Variants in PEMT observed in about 807,000 individuals in gnomAD.
The protein encoded by PEMT is phospholipid methyltransferase.
PEMT carries 23 observed loss-of-function variants against 27.4 expected under a neutral mutation model. That is an observed-to-expected ratio of 0.84 (90% CI 0.60 to 1.19). The LOEUF (loss-of-function observed/expected upper bound fraction) is 1.19, where lower values mean the gene tolerates loss of function less well. Ranked by LOEUF, PEMT falls within the 50% of genes most tolerant of loss-of-function variation. PEMT has a pLI of 0.00. For missense variants in PEMT, 307 were observed against 310.1 expected (o/e 0.99, Z 0.07); for synonymous variants, 137 against 139.1 (o/e 0.98, Z 0.11).
At chr17:17,546,922 G>A (rs1909301237) in intron 2 of PEMT, among the ~76,000 whole-genome samples, 1 of 152,226 alleles carries the variant, frequency 6.6e-6, no homozygotes, top group African/African-American at 2.4e-5. Context: ...GAAAGAGGTG[G>A]CCGTGGCTGG....
intron 2 of PEMT, among the ~76,000 whole-genome samples, chr17:17,574,959 C>G (rs1567744611): frequency 6.6e-6 from 1 of 152,218 alleles, no homozygotes; most frequent in Non-Finnish European, 1.5e-5. Flanking sequence ...AAAGGTTAGG[C>G]CCACAACGTC....
At position 17,522,283 on chromosome 17, in the gene PEMT, T is replaced by A. The variant is rs771507562; in HGVS notation, c.317A>T (p.His106Leu). The change falls in exon 3 of 7, where the codon CAC (histidine) becomes CTC (leucine). Residue 106 changes from histidine (H) to leucine (L), a missense_variant. By Grantham distance (99) the His-to-Leu change is moderately conservative. Coordinates refer to ENST00000255389, the MANE Select transcript of PEMT (RefSeq NM_148172.3). ...TILLLNFLRS[H>L]CFTQAMLSQP... ...CCAGTGAGAGAGCTGTGCTTACCAG[T>A]GCGAGCGCAGGAAGTTCAGGAGCAG... 1 of 1,609,094 alleles carries A rather than the reference T, an allele frequency of 6.2e-7. No individual in the cohort carries two copies. Among genetic ancestry groups the A allele is most frequent in the Admixed American group, 1.7e-5 (1 of 59,974 alleles).
intron 2 of PEMT, among the ~76,000 whole-genome samples, chr17:17,546,109 G>A (rs1909244244): frequency 6.6e-6 from 1 of 152,114 alleles, no homozygotes; most frequent in Non-Finnish European, 1.5e-5. Flanking sequence ...CTTGCCAGGT[G>A]GGGCCGAGCC....
At chr17:17,507,625 T>G in intron 5 of PEMT, 1 of 173,222 alleles carries the variant, frequency 5.8e-6, no homozygotes, top group South Asian at 1.6e-4. Context: ...GAGGCCCACC[T>G]GTCCCTCACA....
chr17:17,557,756 CCCAGTT>C lies in PEMT; in HGVS notation c.204+19158_204+19163del, dbSNP rs1255507977. On this transcript the variant is annotated intron_variant, in intron 2 of 6. Coordinates refer to ENST00000255389, the MANE Select transcript of PEMT (RefSeq NM_148172.3). ...GCTGGTGACAATGACAGGCCACTCT[CCCAGTT>C]CCATGTAGAGCCAGGCGTCCGGGAC... Among the ~76,000 whole-genome samples the C allele has an allele frequency of 2.6e-5, 4 of 152,330 alleles. No individual in the cohort carries two copies. In the East Asian group the frequency reaches 7.7e-4, roughly 29 times the overall value.
At chr17:17,510,716 G>A (rs1396898987) in intron 4 of PEMT, among the ~76,000 whole-genome samples, 1 of 152,216 alleles carries the variant, frequency 6.6e-6, no homozygotes, top group South Asian at 2.1e-4. Flanking sequence ...GGAGGCTGTG[G>A]CCACTGGTGT....
At chr17:17,507,991 C>T (rs1233902659) in intron 5 of PEMT, 2 of 152,522 alleles carry the variant, frequency 1.3e-5, no homozygotes, top group Admixed American at 1.3e-4. Flanking sequence ...GACACTAAGC[C>T]ACTGGGGAGG....
At chr17:17,508,101 G>A (rs984342242) in intron 5 of PEMT, 2 of 152,546 alleles carry the variant, frequency 1.3e-5, no homozygotes, top group Non-Finnish European at 2.9e-5. Context: ...AGGGTTCTAG[G>A]CGAGGGAACA....
chr17:17,517,490 C>T (rs750835494), intron 3 of PEMT, among the ~76,000 whole-genome samples: 24 of 152,340 alleles, frequency 1.6e-4, no homozygotes, highest in Admixed American at 3.3e-4. Context: ...GCTCAACCCC[C>T]GGCCTGTCCT....
intron 2 of PEMT, among the ~76,000 whole-genome samples, chr17:17,540,542 G>A (rs1437804393): frequency 2.0e-5 from 3 of 152,162 alleles, no homozygotes; most frequent in African/African-American, 7.2e-5. Flanking sequence ...GCACCAGCTG[G>A]CCTCCACCAG....
rs932313224 is a variant in PEMT at position 17,582,559 on chromosome 17, G to A, written c.97-5532C>T. 1 of 323,334 alleles carries A rather than the reference G, an allele frequency of 3.1e-6. No homozygotes were observed. The highest frequency in any genetic ancestry group is 4.4e-6 in the Non-Finnish European group (1 of 224,916). 20.0% of individuals were successfully genotyped at this position (323,334 alleles called of 1,614,324 possible). A position where few individuals can be genotyped will look rare whatever the true frequency, so the allele number is the denominator to read the frequency against. ...AACAAAGGGCAGGGGAATGGGTGGG[G>A]GCTGCTGGAGAGGGGACAGGTCCTC... On this transcript the variant is annotated intron_variant, in intron 1 of 6. Coordinates refer to ENST00000255389, the MANE Select transcript of PEMT (RefSeq NM_148172.3). The surrounding 1 kb of genome is among the most constrained non-coding windows in gnomAD (Gnocchi z 4.9).
chr17:17,509,744 T>G (rs1906211253), intron 4 of PEMT, among the ~76,000 whole-genome samples, 199 bp from the exon 5 acceptor site: 1 of 152,134 alleles, frequency 6.6e-6, no homozygotes, highest in Non-Finnish European at 1.5e-5. Context: ...GCGTGGGGCC[T>G]AAGGACTAAG....
intron 2 of PEMT, among the ~76,000 whole-genome samples, chr17:17,550,290 G>A (rs539522962): frequency 1.2e-4 from 19 of 152,314 alleles, no homozygotes; most frequent in African/African-American, 2.9e-4. Context: ...GCCTGCTGCC[G>A]CTCGGTTTCT....
chr17:17,546,295 C>CA (rs1266828029), intron 2 of PEMT, among the ~76,000 whole-genome samples: 3 of 152,170 alleles, frequency 2.0e-5, no homozygotes, highest in Non-Finnish European at 4.4e-5. Flanking sequence ...GCCTGCTGGA[C>CA]ACCACTGCCC....
At chr17:17,571,516 GC>G (rs1911191001) in intron 2 of PEMT, among the ~76,000 whole-genome samples, 1 of 152,074 alleles carries the variant, frequency 6.6e-6, no homozygotes, top group Non-Finnish European at 1.5e-5. Context: ...CACCTAGGAA[GC>G]CTGGGAGGGA....
intron 4 of PEMT, among the ~76,000 whole-genome samples, chr17:17,511,621 G>T (rs1906401360): frequency 1.3e-5 from 2 of 152,224 alleles, no homozygotes; most frequent in African/African-American, 4.8e-5. Context: ...TGACTTCCAA[G>T]CTCCTGCACT....
intron 2 of PEMT, among the ~76,000 whole-genome samples, chr17:17,527,574 G>A (rs988105548): frequency 1.4e-5 from 2 of 141,070 alleles, no homozygotes; most frequent in Non-Finnish European, 1.5e-5. Flanking sequence ...TCTCGACTGC[G>A]TCACAGAGCT....
chr17:17,543,568 C>T (rs541413606), intron 2 of PEMT, among the ~76,000 whole-genome samples: 155 of 147,222 alleles, frequency 1.1e-3, no homozygotes, highest in African/African-American at 3.8e-3. Flanking sequence ...CCAGCTTGTG[C>T]TTTTTTTTTT....
chr17:17,544,358 G>C (rs1909099895), intron 2 of PEMT, among the ~76,000 whole-genome samples: 1 of 150,738 alleles, frequency 6.6e-6, no homozygotes, highest in African/African-American at 2.4e-5. Flanking sequence ...TCGGCTCACT[G>C]CAACCTCCAC....
Sources: allele counts gnomAD v4.1 joint callset (sites outside exome capture counted in the v4.1 genomes callset), GRCh38; gene constraint gnomAD v4.1.1; non-coding constraint Gnocchi (gnomAD v3.1); transcripts MANE v1.5; gene names NCBI Gene and HGNC (gene_info 2026-07-23, HGNC 2026-07-21).